CYP2C19: variants seen among roughly 807,000 people sequenced by gnomAD.
CYP2C19 encodes the protein cytochrome P450 2C19.
In CYP2C19, 59 loss-of-function variants were observed where a neutral mutation model predicts 40.9. The observed-to-expected ratio is 1.44, with a 90% confidence interval of 1.17 to 1.79. CYP2C19 has a LOEUF of 1.79. CYP2C19 is among the 40% of genes most tolerant of loss of function. The pLI, the probability that CYP2C19 is intolerant of heterozygous loss-of-function variation, is 0.00. For missense variants in CYP2C19, 754 were observed against 596.9 expected, an observed-to-expected ratio of 1.26 and a Z score of -2.74; for synonymous variants, 253 against 208.7, an observed-to-expected ratio of 1.21 and a Z score of -1.83.
chr10:94,819,672 C>G (rs1465653689), intron 5 of CYP2C19, among the ~76,000 whole-genome samples: 9 of 88,064 alleles, frequency 1.0e-4, no homozygotes, highest in African/African-American at 4.5e-4. Context: ...CACATACACT[C>G]TCCCAAGACT....
chr10:94,824,635 C>A (rs937423455), intron 6 of CYP2C19, among the ~76,000 whole-genome samples: 1 of 152,080 alleles, frequency 6.6e-6, no homozygotes, highest in East Asian at 1.9e-4. Context: ...TAAATTTATG[C>A]TTACTTTATG....
At chr10:94,815,287 G>C (rs1848984057) in intron 5 of CYP2C19, among the ~76,000 whole-genome samples, 1 of 152,130 alleles carries the variant, frequency 6.6e-6, no homozygotes, top group South Asian at 2.1e-4. Flanking sequence ...AGAGAATCTA[G>C]TCTATTTCAG....
In CYP2C19 at chr10:94,820,495, G is replaced by C. The variant is rs59705169; in HGVS notation, c.820-1G>C. 7.4e-6 allele frequency: 12 copies of C among 1,613,888 alleles called. No homozygotes were observed. In the African/African-American group the frequency reaches 1.2e-4, roughly 16 times the overall value. ...AGATAATTGCATCAAATCATTCCTA[G>C]GAAAAGCAAAACCAACAGTCTGAAT... is the stretch of plus-strand genomic sequence containing the variant. On this transcript the variant is annotated splice_acceptor_variant, in intron 5 of 8. Coordinates refer to ENST00000371321, the MANE Select transcript of CYP2C19 (RefSeq NM_000769.4). LOFTEE classifies it high-confidence loss of function.
chr10:94,847,213 G>T (rs1026045605), intron 7 of CYP2C19, among the ~76,000 whole-genome samples: 5 of 152,072 alleles, frequency 3.3e-5, no homozygotes, highest in African/African-American at 9.7e-5. Context: ...ATCTCCTAAT[G>T]CTAACCCTCC....
At chr10:94,809,099 A>G (rs545230186) in intron 5 of CYP2C19, among the ~76,000 whole-genome samples, 1 of 152,296 alleles carries the variant, frequency 6.6e-6, no homozygotes, top group East Asian at 1.9e-4. Context: ...AGCATATGTT[A>G]TTGCTCATCT....
intron 1 of CYP2C19, among the ~76,000 whole-genome samples, chr10:94,772,149 G>A (rs548435502): frequency 6.7e-4 from 102 of 152,302 alleles, no homozygotes; most frequent in African/African-American, 2.3e-3. Flanking sequence ...AGAGTTGGAA[G>A]TGTGATGCCT....
At chr10:94,844,211 C>T (rs1187137867) in intron 7 of CYP2C19, among the ~76,000 whole-genome samples, 1 of 152,110 alleles carries the variant, frequency 6.6e-6, no homozygotes, top group Non-Finnish European at 1.5e-5. Context: ...CTTTGAAATG[C>T]CTAATAACTT....
At chr10:94,832,544 G>A (rs1849350785) in intron 6 of CYP2C19, among the ~76,000 whole-genome samples, 1 of 152,136 alleles carries the variant, frequency 6.6e-6, no homozygotes. Context: ...AACCATGTCA[G>A]CACCTTTGTC....
intron 5 of CYP2C19, among the ~76,000 whole-genome samples, chr10:94,807,663 C>T (rs759264301): frequency 1.8e-4 from 28 of 152,034 alleles, no homozygotes; most frequent in Non-Finnish European, 3.2e-4. Context: ...TTTCCATATA[C>T]CTATTGGCCA....
intron 5 of CYP2C19, among the ~76,000 whole-genome samples, chr10:94,813,629 A>G (rs1316984380): frequency 6.6e-6 from 1 of 151,534 alleles, no homozygotes; most frequent in Non-Finnish European, 1.5e-5. Flanking sequence ...GACTCCCCTC[A>G]ACACCCCCCC....
chr10:94,778,503 CA>C (rs1848439936), intron 3 of CYP2C19, among the ~76,000 whole-genome samples: 2 of 152,006 alleles, frequency 1.3e-5, no homozygotes, highest in South Asian at 4.1e-4. Flanking sequence ...ATGTGGCCAA[CA>C]AACATATGAA....
intron 5 of CYP2C19, among the ~76,000 whole-genome samples, chr10:94,788,527 C>G (rs1848571074): frequency 6.6e-6 from 1 of 150,964 alleles, no homozygotes; most frequent in African/African-American, 2.4e-5. Flanking sequence ...GGTATTTCTC[C>G]TAATGCTATC....
At chr10:94,826,519 A>G (rs1347074659) in intron 6 of CYP2C19, among the ~76,000 whole-genome samples, 1 of 152,108 alleles carries the variant, frequency 6.6e-6, no homozygotes, top group Admixed American at 6.5e-5. Flanking sequence ...GTATCCTGAG[A>G]CTTTGCTGAA....
chr10:94,799,701 A>G (rs1394157750), intron 5 of CYP2C19, among the ~76,000 whole-genome samples: 1 of 149,976 alleles, frequency 6.7e-6, no homozygotes, highest in Admixed American at 6.6e-5. Context: ...GTTTCTCTTT[A>G]CTCTTTTTAC....
At chr10:94,802,056 C>T (rs1016259453) in intron 5 of CYP2C19, among the ~76,000 whole-genome samples, 9 of 152,166 alleles carry the variant, frequency 5.9e-5, no homozygotes, top group East Asian at 1.9e-4. Flanking sequence ...CTTATTTGTC[C>T]CCACCCATGT....
chr10:94,833,272 CT>C (rs1849357789), intron 6 of CYP2C19, among the ~76,000 whole-genome samples: 1 of 152,106 alleles, frequency 6.6e-6, no homozygotes, highest in Admixed American at 6.5e-5. Context: ...CCTGATTGCT[CT>C]TGCTAGGTCA....
At chr10:94,817,500 T>G (rs991775056) in intron 5 of CYP2C19, among the ~76,000 whole-genome samples, 2 of 145,052 alleles carry the variant, frequency 1.4e-5, no homozygotes, top group African/African-American at 5.2e-5. Context: ...GATGAGTAGG[T>G]TGCGAAAATT....
intron 5 of CYP2C19, among the ~76,000 whole-genome samples, chr10:94,818,210 C>G (rs1193574601): frequency 6.9e-6 from 1 of 144,814 alleles, no homozygotes; most frequent in Non-Finnish European, 1.5e-5. Flanking sequence ...AGGTATGCGG[C>G]GTTATTTCTG....
intron 5 of CYP2C19, among the ~76,000 whole-genome samples, chr10:94,807,784 A>G (rs1180845011): frequency 1.3e-5 from 2 of 151,812 alleles, no homozygotes; most frequent in Admixed American, 6.6e-5. Flanking sequence ...TATATTTTGG[A>G]TATTAATCCT....
Sources: gnomAD v4.1 joint callset for allele counts (sites outside exome capture counted in the v4.1 genomes callset) on GRCh38, gnomAD v4.1.1 for gene constraint, MANE v1.5 for transcripts, NCBI Gene and HGNC (gene_info 2026-07-23, HGNC 2026-07-21) for gene names.